ASPRV1: variants seen among roughly 807,000 people sequenced by gnomAD.
ASPRV1 encodes aspartic peptidase retroviral like 1, also known as retroviral-like aspartic protease 1.
A neutral mutation model predicts 11.0 loss-of-function variants in ASPRV1; 7 were observed. That is an observed-to-expected ratio of 0.64 (90% CI 0.36 to 1.20). The LOEUF (loss-of-function observed/expected upper bound fraction) is 1.20. Among genes scored for constraint, ASPRV1 ranks in the 50% most tolerant of loss-of-function variants. The pLI, the probability that ASPRV1 is intolerant of heterozygous loss-of-function variation, is 0.02. For missense variants in ASPRV1, 299 were observed against 320.0 expected (o/e 0.93, Z 0.50); for synonymous variants, 136 against 138.4 (o/e 0.98, Z 0.12).
chr2:70,014,446 A>C, the ASPRV1 span: 1 of 152,194 alleles, frequency 6.6e-6, no homozygotes, highest in East Asian at 1.9e-4. Flanking sequence ...GGGGAAAAAA[A>C]AGGAGACATA....
chr2:70,008,574 C>G, the ASPRV1 span, among the ~76,000 whole-genome samples: 2 of 152,176 alleles, frequency 1.3e-5, no homozygotes, highest in East Asian at 3.9e-4. Context: ...CCCAGGACAG[C>G]TTTGAATGTG....
At chr2:70,041,971 A>G in the ASPRV1 span, among the ~76,000 whole-genome samples, 1 of 152,234 alleles carries the variant, frequency 6.6e-6, no homozygotes, top group East Asian at 1.9e-4. Context: ...TGAAGGTAAT[A>G]GTAACATTAT....
upstream of ASPRV1, chr2:69,961,884 G>A: frequency 1.8e-6 from 1 of 545,590 alleles, no homozygotes; most frequent in South Asian, 3.7e-5. Context: ...CAGAATAACA[G>A]ATGAGGACAC....
the ASPRV1 span, among the ~76,000 whole-genome samples, chr2:69,954,323 C>A: frequency 6.6e-6 from 1 of 152,188 alleles, no homozygotes; most frequent in Non-Finnish European, 1.5e-5. Flanking sequence ...ACTAGGCAGC[C>A]ACATGGGTCT....
chr2:69,948,335 G>C, the ASPRV1 span, among the ~76,000 whole-genome samples: 1 of 152,232 alleles, frequency 6.6e-6, no homozygotes, highest in Admixed American at 6.5e-5. Flanking sequence ...AGCAGAGACA[G>C]GTCACGGCAG....
At chr2:70,073,523 T>G in the ASPRV1 span, among the ~76,000 whole-genome samples, 1 of 152,074 alleles carries the variant, frequency 6.6e-6, no homozygotes, top group South Asian at 2.1e-4. Context: ...CATTTAATCT[T>G]TAACGATACT....
the ASPRV1 span, among the ~76,000 whole-genome samples, chr2:69,946,522 A>ACATG: frequency 6.6e-6 from 1 of 152,240 alleles, no homozygotes; most frequent in Non-Finnish European, 1.5e-5. Context: ...CCCATGCCTG[A>ACATG]CATGCAGAAA....
chr2:70,034,279 G>A, the ASPRV1 span, among the ~76,000 whole-genome samples: 74 of 151,480 alleles, frequency 4.9e-4, 1 homozygote, highest in South Asian at 8.5e-3. Context: ...GGAGTGCAAT[G>A]GCATGATCTC....
At chr2:69,964,387 T>C (rs941026234), upstream of ASPRV1, 6 of 450,874 alleles carry the variant, frequency 1.3e-5, no homozygotes, top group Non-Finnish European at 2.7e-5. Flanking sequence ...CTGGAAGGAG[T>C]TGGCATCAGC....
chr2:69,947,208 G>A, the ASPRV1 span, among the ~76,000 whole-genome samples: 1 of 152,212 alleles, frequency 6.6e-6, no homozygotes, highest in Non-Finnish European at 1.5e-5. Context: ...CTAGCACAGG[G>A]CATGGAACAG....
the ASPRV1 span, chr2:69,971,266 CA>C: frequency 6.6e-6 from 1 of 152,004 alleles, no homozygotes; most frequent in Non-Finnish European, 1.5e-5. Context: ...GTAGCTAAAA[CA>C]AAATGTATTT....
chr2:69,975,355 T>G, the ASPRV1 span: 1 of 152,780 alleles, frequency 6.5e-6, no homozygotes, highest in African/African-American at 2.4e-5. Context: ...CCACCTTTCC[T>G]TTCACGTCAC....
the ASPRV1 span, among the ~76,000 whole-genome samples, chr2:69,987,682 C>T: frequency 6.6e-6 from 1 of 151,932 alleles, no homozygotes; most frequent in Non-Finnish European, 1.5e-5. Flanking sequence ...CCCATGAGTT[C>T]GAGGCTGTAG....
At chr2:69,980,565 A>G in the ASPRV1 span, among the ~76,000 whole-genome samples, 2 of 152,218 alleles carry the variant, frequency 1.3e-5, no homozygotes, top group Admixed American at 1.3e-4. Context: ...GTATCCCAGA[A>G]CAGTAAAGGA....
chr2:70,053,487 G>C, the ASPRV1 span, among the ~76,000 whole-genome samples: 1 of 152,150 alleles, frequency 6.6e-6, no homozygotes, highest in Admixed American at 6.5e-5. Context: ...TCTGTGTTAA[G>C]TGCTTTCATA....
chr2:70,081,767 TAG>T, the ASPRV1 span, among the ~76,000 whole-genome samples: 2 of 151,994 alleles, frequency 1.3e-5, no homozygotes, highest in African/African-American at 4.8e-5. Flanking sequence ...TATTTTTTTG[TAG>T]AGACAGGGTC....
upstream of ASPRV1, chr2:69,964,555 C>T (rs1678271364): frequency 3.7e-6 from 1 of 266,918 alleles, no homozygotes; most frequent in Non-Finnish European, 7.6e-6. Flanking sequence ...GCCCCATGAG[C>T]TAAACCAGCC....
At chr2:70,046,207 T>C in the ASPRV1 span, 4 of 152,284 alleles carry the variant, frequency 2.6e-5, no homozygotes, top group Non-Finnish European at 5.9e-5. Context: ...TTTTTTGTTT[T>C]TTCCCTAGGA....
the ASPRV1 span, among the ~76,000 whole-genome samples, chr2:70,068,507 C>T: frequency 6.6e-5 from 10 of 152,072 alleles, no homozygotes; most frequent in Non-Finnish European, 2.9e-5. Flanking sequence ...GGAGTCACTT[C>T]CAAAGCACCA....
Sources: allele counts gnomAD v4.1 joint callset (sites outside exome capture counted in the v4.1 genomes callset), GRCh38; gene constraint gnomAD v4.1.1; transcripts MANE v1.5; gene names NCBI Gene and HGNC (gene_info 2026-07-23, HGNC 2026-07-21).